The following ADCY5 variants were observed in gnomAD, a reference collection of about 807,000 sequenced individuals.
ADCY5 encodes adenylate cyclase 5, also known as adenylate cyclase type 5.
In ADCY5, 30 loss-of-function variants were observed where a neutral mutation model predicts 119.7. The observed-to-expected ratio is 0.25, with a 90% CI of 0.19 to 0.34. The LOEUF (loss-of-function observed/expected upper bound fraction) is 0.34, where lower values mean the gene tolerates loss of function less well. Among genes scored for constraint, ADCY5 ranks in the 10% least tolerant of loss-of-function variants. ADCY5 has a pLI of 1.00. For synonymous variants in ADCY5, 753 were observed against 762.2 expected, an observed-to-expected ratio of 0.99 and a Z score of 0.20; for missense variants, 1,324 against 1,775.2, an observed-to-expected ratio of 0.75 and a Z score of 4.57.
intron 1 of ADCY5, among the ~76,000 whole-genome samples, chr3:123,376,879 C>T (rs1391488143): frequency 1.3e-5 from 2 of 152,206 alleles, no homozygotes; most frequent in Admixed American, 6.5e-5. Context: ...TAGCATTCTT[C>T]CAAGAACTAG....
At chr3:123,416,007 T>C (rs1945175725) in intron 1 of ADCY5, among the ~76,000 whole-genome samples, 1 of 152,170 alleles carries the variant, frequency 6.6e-6, no homozygotes, top group African/African-American at 2.4e-5. Flanking sequence ...AGTTCATTAT[T>C]TTTTCTACTT....
chr3:123,390,889 C>T (rs986529445), intron 1 of ADCY5, among the ~76,000 whole-genome samples: 1 of 152,224 alleles, frequency 6.6e-6, no homozygotes, highest in African/African-American at 2.4e-5. Flanking sequence ...GCAACTGGCA[C>T]GCTATAAAGA....
At position 123,448,222 on chromosome 3, in the gene ADCY5, G is replaced by A. The variant is rs764324638; in HGVS notation, c.324C>T (p.Gly108=). 6 of 1,336,870 alleles carry A rather than the reference G, an allele frequency of 4.5e-6. No homozygotes were observed. The highest frequency in any genetic ancestry group is 5.7e-6 in the Non-Finnish European group (6 of 1,044,892). The allele number at this position is 1,336,870 out of a possible 1,614,324, so 82.8% of individuals were successfully genotyped here. Residue 108 remains glycine, a synonymous_variant, in exon 1 of 21, where the codon GGC becomes GGT. Coordinates refer to ENST00000462833, the MANE Select transcript of ADCY5 (RefSeq NM_183357.3). ...GGCGGCTGCCGCGACCGCAGTCGTC[G>A]CCGCCGCGCTCCTGCCAGGCGGACT... The part of the protein sequence containing the change: ...RSKSAWQERG[G]DDCGRGSRRQ...
intron 1 of ADCY5, among the ~76,000 whole-genome samples, chr3:123,377,928 T>G (rs1258608159): frequency 2.3e-4 from 1 of 4,288 alleles, no homozygotes; most frequent in Admixed American, 3.0e-3. Context: ...AGACTCCATC[T>G]CAAAAAAAAA....
At chr3:123,412,610 T>C (rs998702128) in intron 1 of ADCY5, among the ~76,000 whole-genome samples, 3 of 152,058 alleles carry the variant, frequency 2.0e-5, no homozygotes, top group African/African-American at 7.2e-5. Context: ...GCTGGGGAGC[T>C]GGGAGTCGGG....
At chr3:123,297,996 CTTTTTATT>C (rs146573726) in intron 15 of ADCY5, among the ~76,000 whole-genome samples, 2,526 of 151,972 alleles carry the variant, frequency 0.017, 38 homozygotes, top group Non-Finnish European at 0.024. Context: ...ACATAAGTGG[CTTTTTATT>C]TTTTTATTTT....
chr3:123,424,087 C>T (rs1027072738), intron 1 of ADCY5, among the ~76,000 whole-genome samples: 10 of 152,220 alleles, frequency 6.6e-5, no homozygotes, highest in African/African-American at 2.4e-4. Flanking sequence ...GGGCCTGAGA[C>T]AAGGAGACTG....
chr3:123,301,106 C>T (rs980817359), intron 14 of ADCY5, among the ~76,000 whole-genome samples: 3 of 151,998 alleles, frequency 2.0e-5, no homozygotes, highest in African/African-American at 4.8e-5. Context: ...CAGGTAATCT[C>T]GGAGGTCCCC....
At chr3:123,444,417 G>C (rs1320586264) in intron 1 of ADCY5, among the ~76,000 whole-genome samples, 1 of 151,828 alleles carries the variant, frequency 6.6e-6, no homozygotes, top group Non-Finnish European at 1.5e-5. Flanking sequence ...GGAGAGGGAA[G>C]AGAAAGGAAG....
chr3:123,328,601 G>T lies in ADCY5; in HGVS notation c.1805+43C>A, dbSNP rs370066257. 5 of 1,604,930 alleles carry T rather than the reference G, an allele frequency of 3.1e-6. No homozygotes were observed. In the African/African-American group the frequency reaches 6.7e-5, roughly 21 times the overall value. ...GGTCACCCTGGGTGGGCTTGAGTGG[G>T]AACCCAGGTCGGGGCCCCAAGCCAC... On this transcript the variant is annotated intron_variant, in intron 6 of 20. Coordinates refer to ENST00000462833, the MANE Select transcript of ADCY5 (RefSeq NM_183357.3).
chr3:123,306,626 C>T (rs1323055826), intron 12 of ADCY5, among the ~76,000 whole-genome samples: 1 of 152,122 alleles, frequency 6.6e-6, no homozygotes, highest in Non-Finnish European at 1.5e-5. Flanking sequence ...AACTGGAATC[C>T]TTGTGCGTTG....
chr3:123,368,014 C>T lies in ADCY5; in HGVS notation c.1135-15433G>A, dbSNP rs73858775. The T allele has an allele frequency of 3.9e-3, 5,854 of 1,491,814 alleles. 227 individuals are homozygous for T. In the African/African-American group the frequency reaches 0.074, roughly 19 times the overall value. The allele number at this position is 1,491,814 out of a possible 1,614,324, so 92.4% of individuals were successfully genotyped here. A position where few individuals can be genotyped will look rare whatever the true frequency, so the allele number is the denominator to read the frequency against. On this transcript the variant is annotated intron_variant, in intron 1 of 20. Transcript: ENST00000462833. ...GTGGGGATGGAGGGGACCATGGGCA[C>T]CTCAGCAGGGATCCAGGGGCCCCAG...
chr3:123,331,768 C>T (rs903305559), intron 4 of ADCY5, among the ~76,000 whole-genome samples: 1 of 152,162 alleles, frequency 6.6e-6, no homozygotes, highest in Non-Finnish European at 1.5e-5. Context: ...CATTTGAGAC[C>T]CAAGTGACAA....
intron 1 of ADCY5, among the ~76,000 whole-genome samples, chr3:123,372,671 A>G (rs991763578): frequency 6.6e-6 from 1 of 152,162 alleles, no homozygotes; most frequent in African/African-American, 2.4e-5. Flanking sequence ...CACACCAGCA[A>G]CAAGGGCAGG....
Position 123,300,485 on chromosome 3 carries a change from C to G in ADCY5, c.2725-190G>C, listed in dbSNP as rs538061769. On this transcript the variant is annotated intron_variant, in intron 14 of 20. Transcript: ENST00000462833. ...TTAGGAACCAGGAGATGGGCTCCAGCTGGAGTCTGGCCATTGCCTGCAGGA... is the reference window on the plus strand; with the variant it reads ...TTAGGAACCAGGAGATGGGCTCCAGGTGGAGTCTGGCCATTGCCTGCAGGA... Among the ~76,000 whole-genome samples the G allele has an allele frequency of 2.6e-5, 4 of 152,346 alleles. No homozygotes were observed. In the East Asian group the frequency reaches 7.7e-4, roughly 29 times the overall value.
intron 1 of ADCY5, among the ~76,000 whole-genome samples, chr3:123,434,894 G>A (rs1009203600): frequency 1.3e-5 from 2 of 152,134 alleles, no homozygotes; most frequent in Admixed American, 6.5e-5. Flanking sequence ...AAAAGGACCC[G>A]GGCCTAGGTC....
At chr3:123,315,158 T>A (rs898720644) in intron 11 of ADCY5, among the ~76,000 whole-genome samples, 3 of 151,808 alleles carry the variant, frequency 2.0e-5, no homozygotes, top group Admixed American at 1.3e-4. Context: ...GGAGGAAGAG[T>A]GGCCTGACGA....
intron 14 of ADCY5, among the ~76,000 whole-genome samples, chr3:123,300,693 T>G (rs1009066857): frequency 2.0e-5 from 3 of 152,168 alleles, no homozygotes; most frequent in African/African-American, 7.2e-5. Flanking sequence ...CTGGCTGCAG[T>G]GTCCAGCACC....
At chr3:123,433,657 C>T (rs1414280271) in intron 1 of ADCY5, among the ~76,000 whole-genome samples, 1 of 152,118 alleles carries the variant, frequency 6.6e-6, no homozygotes, top group East Asian at 1.9e-4. Flanking sequence ...CTAGTAAGCA[C>T]CAAGCTTCGT....
Sources: gnomAD v4.1 joint callset for allele counts (sites outside exome capture counted in the v4.1 genomes callset) on GRCh38, gnomAD v4.1.1 for gene constraint, MANE v1.5 for transcripts, NCBI Gene and HGNC (gene_info 2026-07-23, HGNC 2026-07-21) for gene names.